The following TARS2 variants were observed in gnomAD, a reference collection of about 807,000 sequenced individuals.
TARS2 encodes threonyl-tRNA synthetase 2, mitochondrial.
In TARS2, 61 loss-of-function variants were observed where a neutral mutation model predicts 94.4. The observed-to-expected ratio is 0.65, with a 90% confidence interval of 0.53 to 0.80. The LOEUF (loss-of-function observed/expected upper bound fraction) is 0.80, where lower values mean the gene tolerates loss of function less well. Ranked by LOEUF, TARS2 falls within the 30% of genes least tolerant of loss-of-function variation. The pLI, the probability that TARS2 is intolerant of heterozygous loss-of-function variation, is 0.00. For synonymous variants in TARS2, 359 were observed against 353.4 expected, an observed-to-expected ratio of 1.02 and a Z score of -0.18; for missense variants, 704 against 902.5, an observed-to-expected ratio of 0.78 and a Z score of 2.82.
chr1:150,500,503 G>C (rs1482284859), intron 13 of TARS2, among the ~76,000 whole-genome samples: 3 of 152,146 alleles, frequency 2.0e-5, no homozygotes, highest in Non-Finnish European at 4.4e-5. Context: ...TGAGGCAGGA[G>C]AATCGCTGAA....
At chr1:150,494,969 C>G (rs372255592) in intron 7 of TARS2, among the ~76,000 whole-genome samples, 1 of 152,052 alleles carries the variant, frequency 6.6e-6, no homozygotes, top group African/African-American at 2.4e-5. Flanking sequence ...ATCATGAGGT[C>G]AGGAGATCGA....
chr1:150,496,867 C>T lies in TARS2; in HGVS notation c.979C>T (p.Arg327Ter), dbSNP rs1199659882. The T allele has an allele frequency of 5.0e-6, 8 of 1,613,968 alleles. No homozygotes were observed. Among genetic ancestry groups the T allele is most frequent in the Admixed American group, 1.7e-5 (1 of 59,998 alleles). The change falls in exon 9 of 18, where the codon CGA becomes TGA. Residue 327 changes from arginine to a stop codon, truncating the protein, a stop_gained. Transcript: ENST00000369064. LOFTEE classifies it high-confidence loss of function. ...LSPGSCFFLP[R>*]GTRVYNALVA... ...CCCTGGGAGCTGCTTCTTCCTGCCACGAGGGACAAGGGTGTATAATGCACT... is the reference window on the plus strand; with the variant it reads ...CCCTGGGAGCTGCTTCTTCCTGCCATGAGGGACAAGGGTGTATAATGCACT...
chr1:150,497,819 C>T (rs1281642915), intron 10 of TARS2, 72 bp downstream of exon 10: 31 of 1,466,658 alleles, frequency 2.1e-5, no homozygotes, highest in Middle Eastern at 1.9e-4. Context: ...GGGCCGGGCA[C>T]GGTGGCTCAC....
At chr1:150,493,596 A>G (rs913337077) in intron 7 of TARS2, among the ~76,000 whole-genome samples, 9 of 151,998 alleles carry the variant, frequency 5.9e-5, no homozygotes, top group Non-Finnish European at 1.2e-4. Flanking sequence ...TCTACTAAAA[A>G]TACAAAATTA....
Position 150,498,559 on chromosome 1 carries a change from C to T in TARS2, c.1296C>T (p.Asp432=). ...SWRELPLRLA[D]FGALHRAEAS... is the part of the protein sequence containing the mutation. ...GGGAACTGCCCCTGCGACTAGCTGA[C>T]TTTGGGGCTCTACACCGGGCCGAAG... Residue 432 remains aspartate, a synonymous_variant, in exon 11 of 18, where the codon GAC becomes GAT. Coordinates refer to ENST00000369064, the MANE Select transcript of TARS2 (RefSeq NM_025150.5). 1 of 1,604,826 alleles carries T rather than the reference C, an allele frequency of 6.2e-7. No individual in the cohort carries two copies. Among genetic ancestry groups the T allele is most frequent in the East Asian group, 2.2e-5 (1 of 44,802 alleles).
chr1:150,492,537 C>T (rs1669442969), intron 7 of TARS2, 48 bp downstream of exon 7: 3 of 1,582,938 alleles, frequency 1.9e-6, no homozygotes, highest in Non-Finnish European at 2.6e-6. Context: ...TTGAGCCGGG[C>T]ATGGTGGCTC....
At chr1:150,492,558 TCC>T in intron 7 of TARS2, 69 bp downstream of exon 7, 1 of 1,541,648 alleles carries the variant, frequency 6.5e-7, no homozygotes, top group Non-Finnish European at 8.9e-7. Context: ...ACGCTTGTAA[TCC>T]CAGCACTTTG....
intron 16 of TARS2, 133 bp downstream of exon 16, chr1:150,505,111 A>G: frequency 3.7e-6 from 3 of 816,838 alleles, no homozygotes; most frequent in Non-Finnish European, 3.9e-6. Flanking sequence ...ACTGGGCTCG[A>G]GTGGCTGCTG....
chr1:150,490,332 T>C (rs1265729178), intron 3 of TARS2, among the ~76,000 whole-genome samples: 1 of 152,008 alleles, frequency 6.6e-6, no homozygotes, highest in Non-Finnish European at 1.5e-5. Flanking sequence ...TTGGCCAGAC[T>C]GGCCTCGAAC....
chr1:150,505,003 G>T, intron 16 of TARS2, 25 bp downstream of exon 16: 1 of 1,612,814 alleles, frequency 6.2e-7, no homozygotes, highest in Non-Finnish European at 8.5e-7. Flanking sequence ...TAAGGGAGGG[G>T]GCAGAAGCAG....
chr1:150,499,540 A>G (rs1338418242), intron 13 of TARS2, among the ~76,000 whole-genome samples: 1 of 151,702 alleles, frequency 6.6e-6, no homozygotes, highest in Non-Finnish European at 1.5e-5. Flanking sequence ...ATTTTTTTGT[A>G]TTTTTAATAG....
At chr1:150,489,138 T>C (rs746968620) in intron 3 of TARS2, 51 bp downstream of exon 3, 1 of 1,612,666 alleles carries the variant, frequency 6.2e-7, no homozygotes, top group Admixed American at 1.7e-5. Flanking sequence ...CAAGAGATAT[T>C]GAAGCAGGAA....
intron 13 of TARS2, among the ~76,000 whole-genome samples, chr1:150,503,526 GAA>G (rs749442731): frequency 9.8e-5 from 13 of 132,940 alleles, no homozygotes; most frequent in African/African-American, 3.1e-4. Context: ...CATCCCTACT[GAA>G]AAAAAAAAAT....
rs1185407292 is a variant in TARS2, at chr1:150,496,436, G to A, written c.775-46G>A. 5 of 1,548,052 alleles carry A rather than the reference G, an allele frequency of 3.2e-6. No individual in the cohort carries two copies. In the East Asian group the frequency reaches 6.8e-5, roughly 21 times the overall value. ...CATTTGAGTCTTGAAAAAGGTGGGGGCCTTCAGTCCTCATCTTTCCTTTGA... is the reference window on the plus strand; with the variant it reads ...CATTTGAGTCTTGAAAAAGGTGGGGACCTTCAGTCCTCATCTTTCCTTTGA... On this transcript the variant is annotated intron_variant, in intron 7 of 17. Transcript: ENST00000369064.
chr1:150,491,961 GTTTTTT>G (rs367685337), intron 6 of TARS2: 3 of 128,752 alleles, frequency 2.3e-5, no homozygotes, highest in East Asian at 2.3e-4. Flanking sequence ...TGCCTGGCTA[GTTTTTT>G]TTTTTTTTTT....
chr1:150,505,533 G>C lies in TARS2; in HGVS notation c.1894-58G>C, dbSNP rs1560259868. 5 of 1,461,022 alleles carry C rather than the reference G, an allele frequency of 3.4e-6. No homozygotes were observed. In the Admixed American group the frequency reaches 5.0e-5, roughly 15 times the overall value. The allele number at this position is 1,461,022 out of a possible 1,614,324, so 90.5% of individuals were successfully genotyped here. On this transcript the variant is annotated intron_variant, in intron 16 of 17. Coordinates refer to ENST00000369064, the MANE Select transcript of TARS2 (RefSeq NM_025150.5). Reference sequence around the variant, plus strand: ...CATTGAGGGAAAAGAGCATCAGACTGTTCTAGCTCCTTAACTTTCCAGTAA... The same window carrying C: ...CATTGAGGGAAAAGAGCATCAGACTCTTCTAGCTCCTTAACTTTCCAGTAA...
intron 3 of TARS2, 119 bp from the exon 4 acceptor site, chr1:150,490,482 T>C (rs1669333671): frequency 7.1e-7 from 1 of 1,413,864 alleles, no homozygotes; most frequent in Non-Finnish European, 9.5e-7. Flanking sequence ...CATTTTGTGG[T>C]AGTTATTCCT....
At chr1:150,496,407 G>A (rs1669663821) in intron 7 of TARS2, 75 bp from the exon 8 acceptor site, 3 of 1,512,350 alleles carry the variant, frequency 2.0e-6, no homozygotes, top group South Asian at 2.6e-5. Flanking sequence ...AACACTGAGA[G>A]TATCATTTGA....
At position 150,500,490 on chromosome 1, in the gene TARS2, G is replaced by T. The variant is rs587758801; in HGVS notation, c.1617+1197G>T. 3.1e-4 allele frequency among the ~76,000 whole-genome samples: 47 copies of T among 152,314 alleles called. No homozygotes were observed. The East Asian group carries it at 8.5e-3, about 28-fold the overall frequency. ...CACCTGTAGTCCCAACTACTCAGTA[G>T]CCTGAGGCAGGAGAATCGCTGAACC... On this transcript the variant is annotated intron_variant, in intron 13 of 17. Coordinates refer to ENST00000369064, the MANE Select transcript of TARS2 (RefSeq NM_025150.5).
Sources: gnomAD v4.1 joint callset for allele counts (sites outside exome capture counted in the v4.1 genomes callset) on GRCh38, gnomAD v4.1.1 for gene constraint, MANE v1.5 for transcripts, NCBI Gene and HGNC (gene_info 2026-07-23, HGNC 2026-07-21) for gene names.